JAK2: variants seen among roughly 807,000 people sequenced by gnomAD.
JAK2 encodes the protein tyrosine-protein kinase JAK2.
In JAK2, 86 loss-of-function variants were observed where a neutral mutation model predicts 139.3. That is an observed-to-expected ratio of 0.62 (90% confidence interval 0.52 to 0.74). The LOEUF is 0.74. Ranked by LOEUF, JAK2 falls within the 30% of genes least tolerant of loss-of-function variation. The pLI is 0.00. For synonymous variants in JAK2, 490 were observed against 437.7 expected, an observed-to-expected ratio of 1.12 and a Z score of -1.49; for missense variants, 1,421 against 1,360.3, an observed-to-expected ratio of 1.04 and a Z score of -0.70.
chr9:5,090,983 G>C (rs1298902840), intron 22 of JAK2, 72 bp downstream of exon 22: 3 of 1,113,312 alleles, frequency 2.7e-6, no homozygotes, highest in Non-Finnish European at 3.8e-6. Context: ...TTATTTAATA[G>C]TTTGCCATTT....
intron 9 of JAK2, among the ~76,000 whole-genome samples, chr9:5,065,899 G>A (rs1037814984): frequency 1.3e-5 from 2 of 152,108 alleles, no homozygotes; most frequent in Admixed American, 6.5e-5. Context: ...TTTAGTCTAT[G>A]CTTAATATTT....
intron 22 of JAK2, chr9:5,114,649 C>A: frequency 2.2e-6 from 1 of 463,930 alleles, no homozygotes; most frequent in Non-Finnish European, 4.2e-6. Flanking sequence ...ATGACGCAGC[C>A]CCGCAAAACC....
At chr9:5,081,086 G>A (rs1271287244) in intron 18 of JAK2, among the ~76,000 whole-genome samples, 3 of 151,492 alleles carry the variant, frequency 2.0e-5, no homozygotes, top group East Asian at 1.9e-4. Context: ...TAGTAGAGAC[G>A]GGGTTTCACC....
chr9:5,013,352 A>G (rs1011189640), intron 2 of JAK2, among the ~76,000 whole-genome samples: 4 of 152,232 alleles, frequency 2.6e-5, no homozygotes, highest in Non-Finnish European at 5.9e-5. Context: ...TTGGACTATA[A>G]AATTTTGGTA....
Position 5,123,024 on chromosome 9 carries a change from C to CA in JAK2, c.3081dup (p.Glu1028ArgfsTer19). ...TACAGGTATGCTCCAGAATCACTGACAGAGAGCAAGTTTTCTGTGGCCTCA... is the reference window on the plus strand; with the variant it reads ...TACAGGTATGCTCCAGAATCACTGACAAGAGAGCAAGTTTTCTGTGGCCTCA... On this transcript the variant is annotated frameshift_variant, in exon 23 of 25. Transcript: ENST00000381652. LOFTEE classifies it high-confidence loss of function. 1 of 1,610,590 alleles carries CA rather than the reference C, an allele frequency of 6.2e-7. No individual in the cohort carries two copies. Among genetic ancestry groups the CA allele is most frequent in the Non-Finnish European group, 8.5e-7 (1 of 1,177,796 alleles).
At chr9:5,077,829 C>G (rs1819413759) in intron 15 of JAK2, among the ~76,000 whole-genome samples, 1 of 152,176 alleles carries the variant, frequency 6.6e-6, no homozygotes, top group Non-Finnish European at 1.5e-5. Context: ...TATGTTGTGT[C>G]TTTTGGATTT....
chr9:5,118,138 G>A (rs2130834141), intron 22 of JAK2, among the ~76,000 whole-genome samples: 1 of 152,278 alleles, frequency 6.6e-6, no homozygotes, highest in African/African-American at 2.4e-5. Flanking sequence ...TCCAGCCTGG[G>A]CGACAGAGCG....
At chr9:4,991,694 C>CA (rs1554653577) in intron 2 of JAK2, among the ~76,000 whole-genome samples, 1 of 141,452 alleles carries the variant, frequency 7.1e-6, no homozygotes, top group African/African-American at 2.6e-5. Context: ...CCCACCCCCC[C>CA]ACCCCACATC....
At chr9:5,055,899 T>A in intron 8 of JAK2, 111 bp downstream of exon 8, 1 of 976,540 alleles carries the variant, frequency 1.0e-6, no homozygotes, top group Non-Finnish European at 1.5e-6. Flanking sequence ...GATTGTAGTT[T>A]TAAATATAAC....
At chr9:5,125,732 C>G (rs10120550) in intron 23 of JAK2, among the ~76,000 whole-genome samples, 9 of 65,300 alleles carry the variant, frequency 1.4e-4, no homozygotes, top group Non-Finnish European at 2.5e-4. Context: ...CATTTCTTTT[C>G]TTAATGTGGT....
rs910160053 is a variant in JAK2, at chr9:5,128,943, A to T, written c.*2152A>T. Among the ~76,000 whole-genome samples, 1 of 152,020 alleles carries T rather than the reference A, an allele frequency of 6.6e-6. No individual in the cohort carries two copies. Among genetic ancestry groups the T allele is most frequent in the Non-Finnish European group, 1.5e-5 (1 of 67,896 alleles). The stretch of plus-strand genomic sequence containing the variant: ...ACTATTCCAGTATATTAAGTTATAC[A>T]ATCTTTATATAAATGACTTTTTCCA... On this transcript the variant is annotated 3_prime_UTR_variant, in exon 25 of 25. Transcript: ENST00000381652.
At chr9:5,066,323 G>C (rs1038932208) in intron 9 of JAK2, among the ~76,000 whole-genome samples, 3 of 152,000 alleles carry the variant, frequency 2.0e-5, no homozygotes, top group Admixed American at 6.5e-5. Flanking sequence ...AGTATTTTCT[G>C]ATATATAATC....
chr9:5,085,176 A>G, intron 19 of JAK2: 1 of 654,404 alleles, frequency 1.5e-6, no homozygotes, highest in Middle Eastern at 2.6e-4. Flanking sequence ...CTCCCGGCAA[A>G]CTGAACCATC....
At chr9:5,111,980 C>T in intron 22 of JAK2, 1 of 354,406 alleles carries the variant, frequency 2.8e-6, no homozygotes, top group Non-Finnish European at 5.6e-6. Flanking sequence ...CCGTGGGCTC[C>T]CCCCAGGGCC....
intron 8 of JAK2, among the ~76,000 whole-genome samples, chr9:5,063,884 A>ATG (rs1818363558): frequency 2.0e-5 from 3 of 152,252 alleles, no homozygotes; most frequent in Non-Finnish European, 4.4e-5. Context: ...CAGGCCGGGC[A>ATG]TGGTGACTCA....
chr9:5,024,444 C>G (rs555658492), intron 3 of JAK2, among the ~76,000 whole-genome samples: 5 of 151,894 alleles, frequency 3.3e-5, no homozygotes, highest in Admixed American at 3.3e-4. Flanking sequence ...CAGTGTTTAC[C>G]CAGTCCATTT....
At chr9:5,060,407 G>A (rs971654056) in intron 8 of JAK2, among the ~76,000 whole-genome samples, 1 of 152,176 alleles carries the variant, frequency 6.6e-6, no homozygotes, top group Non-Finnish European at 1.5e-5. Context: ...TTAGAAATGA[G>A]TCAGTCCTCT....
chr9:5,044,609 A>G lies in JAK2; in HGVS notation c.468+89A>G, dbSNP rs561656813. 5.5e-5 allele frequency: 44 copies of G among 793,614 alleles called. No homozygotes were observed. The African/African-American group carries it at 5.9e-4, about 11-fold the overall frequency. The allele number at this position is 793,614 out of a possible 1,614,324, so 49.2% of individuals were successfully genotyped here. On this transcript the variant is annotated intron_variant, in intron 5 of 24. Coordinates refer to ENST00000381652, the MANE Select transcript of JAK2 (RefSeq NM_004972.4). ...CACTTAATCAGGAAAAACTTTACAT[A>G]TGGGAAAATTGCAGTTCTGTCTTGC...
In JAK2 at chr9:5,022,180, G is replaced by A; in HGVS notation, c.193G>A (p.Glu65Lys). The A allele has an allele frequency of 6.2e-7, 1 of 1,614,084 alleles. No individual in the cohort carries two copies. ...CTTTCCATCTGGGGAGTATGTTGCA[G>A]AAGAAATCTGTATTGCTGCTTCTAA... ...LTFPSGEYVAEEICIAASKAC... is the reference protein window; with the variant it reads ...LTFPSGEYVAKEICIAASKAC... Residue 65 changes from glutamate to lysine, a missense_variant, in exon 3 of 25, where the codon GAA (glutamate) becomes AAA (lysine). Glu to Lys is a moderately conservative substitution (Grantham distance 56). Transcript: ENST00000381652.
Sources: gnomAD v4.1 joint callset for allele counts (sites outside exome capture counted in the v4.1 genomes callset) on GRCh38, gnomAD v4.1.1 for gene constraint, MANE v1.5 for transcripts, NCBI Gene and HGNC (gene_info 2026-07-23, HGNC 2026-07-21) for gene names.